Variants in RBM20 observed in about 807,000 individuals in gnomAD.
RBM20 encodes the protein RNA binding motif protein 20.
A neutral mutation model predicts 110.1 loss-of-function variants in RBM20; 51 were observed. That is an observed-to-expected ratio of 0.46 (90% CI 0.37 to 0.59). The LOEUF is 0.59. Ranked by LOEUF, RBM20 falls within the 20% of genes least tolerant of loss-of-function variation. The pLI, the probability that RBM20 is intolerant of heterozygous loss-of-function variation, is 0.00. For missense variants in RBM20, 1,512 were observed against 1,574.9 expected (o/e 0.96, Z 0.68); for synonymous variants, 589 against 618.2 (o/e 0.95, Z 0.70).
chr10:110,802,582 A>G (rs545230968), intron 7 of RBM20, among the ~76,000 whole-genome samples: 15 of 152,314 alleles, frequency 9.8e-5, no homozygotes, highest in Admixed American at 9.2e-4. Flanking sequence ...ATTAGGATTA[A>G]CGGCAGTAAT....
intron 1 of RBM20, among the ~76,000 whole-genome samples, chr10:110,692,773 A>G (rs930548817): frequency 5.3e-5 from 8 of 152,130 alleles, no homozygotes; most frequent in African/African-American, 1.9e-4. Flanking sequence ...AACTTCTAGT[A>G]TTATGTTGAA....
At chr10:110,671,081 A>G (rs1291245601) in intron 1 of RBM20, among the ~76,000 whole-genome samples, 2 of 152,196 alleles carry the variant, frequency 1.3e-5, no homozygotes, top group Non-Finnish European at 2.9e-5. Flanking sequence ...GCTGCCTCGA[A>G]GCCCCCAGGC....
chr10:110,730,949 A>T (rs1265833471), intron 1 of RBM20, among the ~76,000 whole-genome samples: 3 of 152,234 alleles, frequency 2.0e-5, no homozygotes, highest in Non-Finnish European at 2.9e-5. Flanking sequence ...ACACAGCACC[A>T]ATCGCTTCGT....
intron 4 of RBM20, 30 bp downstream of exon 4, chr10:110,784,462 G>A: frequency 3.3e-6 from 5 of 1,508,616 alleles, no homozygotes; most frequent in Non-Finnish European, 4.5e-6. Flanking sequence ...TCAGCAGCTT[G>A]AAGCAGAAGT....
intron 1 of RBM20, among the ~76,000 whole-genome samples, chr10:110,709,068 A>G (rs575748695): frequency 6.6e-6 from 1 of 152,210 alleles, no homozygotes; most frequent in East Asian, 1.9e-4. Context: ...TCCTCACCTC[A>G]TCCCTCAATA....
chr10:110,835,386 A>G (rs1186210285), intron 13 of RBM20: 1 of 123,446 alleles, frequency 8.1e-6, no homozygotes, highest in African/African-American at 3.1e-5. Context: ...CCCAGGCTGG[A>G]TTGCAACGGT....
At chr10:110,824,286 C>T (rs940081244) in intron 12 of RBM20, among the ~76,000 whole-genome samples, 2 of 152,174 alleles carry the variant, frequency 1.3e-5, no homozygotes, top group Non-Finnish European at 2.9e-5. Context: ...ATAAAGTCAA[C>T]AAAAATGAAC....
intron 1 of RBM20, among the ~76,000 whole-genome samples, chr10:110,653,765 A>G (rs1861983885): frequency 6.6e-6 from 1 of 152,162 alleles, no homozygotes; most frequent in Non-Finnish European, 1.5e-5. Context: ...CATGTTGCCC[A>G]GGTTGGTCTC....
At chr10:110,681,835 C>T (rs996615222) in intron 1 of RBM20, among the ~76,000 whole-genome samples, 10 of 151,870 alleles carry the variant, frequency 6.6e-5, no homozygotes, top group Non-Finnish European at 1.3e-4. Flanking sequence ...TTTCAGATTT[C>T]AACAGTCTTT....
chr10:110,720,884 T>C (rs1465813081), intron 1 of RBM20, among the ~76,000 whole-genome samples: 1 of 152,256 alleles, frequency 6.6e-6, no homozygotes, highest in African/African-American at 2.4e-5. Context: ...GGTCCCACTA[T>C]GGCCTGGCAG....
intron 1 of RBM20, among the ~76,000 whole-genome samples, chr10:110,663,983 A>G (rs557114680): frequency 3.5e-4 from 53 of 152,340 alleles, no homozygotes; most frequent in African/African-American, 1.2e-3. Context: ...AACAGTGACA[A>G]TTTTACCATC....
At chr10:110,786,592 A>C (rs1844421935) in intron 5 of RBM20, among the ~76,000 whole-genome samples, 1 of 152,194 alleles carries the variant, frequency 6.6e-6, no homozygotes, top group Non-Finnish European at 1.5e-5. Context: ...CCCTCTCTGC[A>C]CTCTGCTCGC....
At chr10:110,787,455 A>T (rs1844433001) in intron 5 of RBM20, among the ~76,000 whole-genome samples, 1 of 152,224 alleles carries the variant, frequency 6.6e-6, no homozygotes, top group Non-Finnish European at 1.5e-5. Context: ...GTCGGGGGGA[A>T]ACCCATGCTG....
Position 110,812,374 on chromosome 10 carries a change from C to T in RBM20, c.1977C>T (p.His659=). 1 of 1,551,704 alleles carries T rather than the reference C, an allele frequency of 6.4e-7. No homozygotes were observed. The highest frequency in any genetic ancestry group is 8.7e-7 in the Non-Finnish European group (1 of 1,147,018). Residue 659 remains histidine, a synonymous_variant, in exon 9 of 14, where the codon CAC becomes CAT. Coordinates refer to ENST00000369519, the MANE Select transcript of RBM20 (RefSeq NM_001134363.3). Reference sequence around the variant, plus strand: ...GCTTCACCTCCTGCAGCTCTTCCCACAGCCCTCCGGGCCCCTCCCGGGCTG... The same window carrying T: ...GCTTCACCTCCTGCAGCTCTTCCCATAGCCCTCCGGGCCCCTCCCGGGCTG... The part of the protein sequence containing the change: ...TPSFTSCSSS[H]SPPGPSRADW...
chr10:110,782,262 G>A (rs1305228090), intron 2 of RBM20, among the ~76,000 whole-genome samples: 2 of 152,170 alleles, frequency 1.3e-5, no homozygotes, highest in African/African-American at 4.8e-5. Context: ...TACCCATATT[G>A]TAGTGAGTTA....
intron 1 of RBM20, among the ~76,000 whole-genome samples, chr10:110,718,906 A>G (rs1177496335): frequency 1.3e-5 from 2 of 152,108 alleles, no homozygotes; most frequent in Admixed American, 6.6e-5. Flanking sequence ...ATAAGCCACC[A>G]TACCCAGCCT....
rs1844887914 is a variant in RBM20 at position 110,820,067 on chromosome 10, A to G, written c.2551-5A>G. ...TTTGGTTTGCTCTGTTCTTCCTTTG[A>G]TAAGGCTGGAAAAGAGGAACAGGAG... is the stretch of plus-strand genomic sequence containing the variant. On this transcript the variant is annotated splice_region_variant and splice_polypyrimidine_tract_variant and intron_variant, in intron 9 of 13. Transcript: ENST00000369519. 6.5e-7 allele frequency: 1 copy of G among 1,541,360 alleles called. No homozygotes were observed. Among genetic ancestry groups the G allele is most frequent in the African/African-American group, 1.4e-5 (1 of 72,766 alleles).
At chr10:110,708,724 G>C (rs1228882491) in intron 1 of RBM20, among the ~76,000 whole-genome samples, 2 of 152,178 alleles carry the variant, frequency 1.3e-5, no homozygotes, top group African/African-American at 2.4e-5. Flanking sequence ...TATTTCAGGG[G>C]AAACAAGAAA....
chr10:110,780,449 G>A (rs1342405031), intron 1 of RBM20, among the ~76,000 whole-genome samples: 1 of 152,138 alleles, frequency 6.6e-6, no homozygotes, highest in East Asian at 1.9e-4. Flanking sequence ...TAACAAAGCT[G>A]TATGCGTTGA....
Sources: gnomAD v4.1 joint callset for allele counts (sites outside exome capture counted in the v4.1 genomes callset) on GRCh38, gnomAD v4.1.1 for gene constraint, MANE v1.5 for transcripts, NCBI Gene and HGNC (gene_info 2026-07-23, HGNC 2026-07-21) for gene names.